SS18: variants seen among roughly 807,000 people sequenced by gnomAD.
SS18 encodes SS18 subunit of BAF chromatin remodeling complex, also known as protein SSXT.
A neutral mutation model predicts 72.5 loss-of-function variants in SS18; 28 were observed. That is an observed-to-expected ratio of 0.39 (90% CI 0.29 to 0.53). The LOEUF is 0.53. Among genes scored for constraint, SS18 ranks in the 20% least tolerant of loss-of-function variants. The pLI, the probability that SS18 is intolerant of heterozygous loss-of-function variation, is 0.76. For synonymous variants in SS18, 172 were observed against 164.2 expected (o/e 1.05, Z -0.37); for missense variants, 518 against 535.3 (o/e 0.97, Z 0.32).
intron 5 of SS18, among the ~76,000 whole-genome samples, chr18:26,049,171 A>G (rs2053879540): frequency 6.6e-6 from 1 of 152,224 alleles, no homozygotes; most frequent in African/African-American, 2.4e-5. Context: ...GGAAAGCTAT[A>G]ATTACTAATG....
chr18:26,030,709 T>G (rs1046591096), intron 10 of SS18, among the ~76,000 whole-genome samples: 1 of 151,926 alleles, frequency 6.6e-6, no homozygotes, highest in South Asian at 2.1e-4. Flanking sequence ...TTCTGTACAT[T>G]TGGATAAAAA....
At chr18:26,053,843 G>A (rs1598572168) in intron 4 of SS18, among the ~76,000 whole-genome samples, 2 of 152,272 alleles carry the variant, frequency 1.3e-5, no homozygotes, top group Non-Finnish European at 2.9e-5. Flanking sequence ...CATTGTTGAA[G>A]GAACAGAAAT....
intron 7 of SS18, among the ~76,000 whole-genome samples, chr18:26,036,788 C>A (rs2053633373): frequency 6.6e-6 from 1 of 152,108 alleles, no homozygotes; most frequent in South Asian, 2.1e-4. Flanking sequence ...CAAGCCACCT[C>A]ATAAATACCT....
At chr18:26,052,554 G>T in intron 5 of SS18, 70 bp downstream of exon 5, 1 of 1,277,364 alleles carries the variant, frequency 7.8e-7, no homozygotes, top group Non-Finnish European at 1.1e-6. Flanking sequence ...CTAAGAACCT[G>T]ACAACAATCA....
intron 5 of SS18, among the ~76,000 whole-genome samples, chr18:26,045,895 A>G (rs2143932533): frequency 6.6e-6 from 1 of 152,282 alleles, no homozygotes; most frequent in Non-Finnish European, 1.5e-5. Flanking sequence ...AGAAACATTG[A>G]GAATTGGCCA....
chr18:26,062,036 G>A (rs1290245109), intron 3 of SS18, among the ~76,000 whole-genome samples: 1 of 152,144 alleles, frequency 6.6e-6, no homozygotes, highest in Non-Finnish European at 1.5e-5. Context: ...CGAGGTGGGG[G>A]AATCCCTTGA....
At chr18:26,072,393 CG>C (rs1305205441) in intron 3 of SS18, among the ~76,000 whole-genome samples, 4 of 133,052 alleles carry the variant, frequency 3.0e-5, no homozygotes, top group African/African-American at 1.1e-4. Flanking sequence ...CTCATAATAT[CG>C]TTATCTCTAA....
chr18:26,046,096 A>G (rs549263529), intron 5 of SS18, among the ~76,000 whole-genome samples: 2 of 150,470 alleles, frequency 1.3e-5, no homozygotes, highest in East Asian at 2.0e-4. Flanking sequence ...CTGAGGCAGG[A>G]GAATCGAAAC....
At chr18:26,082,080 G>A (rs528373419) in intron 2 of SS18, among the ~76,000 whole-genome samples, 1 of 151,836 alleles carries the variant, frequency 6.6e-6, no homozygotes, top group Non-Finnish European at 1.5e-5. Context: ...CAAAAAAAAA[G>A]AGTATATGTT....
chr18:26,086,548 T>G (rs2054619146), intron 2 of SS18, among the ~76,000 whole-genome samples: 1 of 152,274 alleles, frequency 6.6e-6, no homozygotes, highest in East Asian at 1.9e-4. Flanking sequence ...TCATTTACTG[T>G]GTCTACTAGA....
chr18:26,032,124 G>T (rs747960537), intron 10 of SS18, among the ~76,000 whole-genome samples: 1 of 152,070 alleles, frequency 6.6e-6, no homozygotes, highest in African/African-American at 2.4e-5. Flanking sequence ...TGAGGGTAAA[G>T]ACCACAGAGC....
intron 3 of SS18, among the ~76,000 whole-genome samples, chr18:26,068,720 T>C (rs2054262002): frequency 6.6e-6 from 1 of 152,170 alleles, no homozygotes; most frequent in South Asian, 2.1e-4. Context: ...CTGCTCAGAA[T>C]GTCAAATATG....
chr18:26,064,180 TCTC>T (rs1327022678), intron 3 of SS18, among the ~76,000 whole-genome samples: 5 of 152,086 alleles, frequency 3.3e-5, no homozygotes, highest in Admixed American at 1.3e-4. Flanking sequence ...CCTGAAGTAA[TCTC>T]CTGACTCAGA....
At chr18:26,050,345 C>T (rs192041216) in intron 5 of SS18, among the ~76,000 whole-genome samples, 199 of 151,482 alleles carry the variant, frequency 1.3e-3, no homozygotes, top group South Asian at 4.2e-3. Context: ...TGAATTAAAA[C>T]AAATAAAAAT....
intron 10 of SS18, among the ~76,000 whole-genome samples, chr18:26,020,281 T>C (rs973923033): frequency 3.3e-5 from 5 of 152,176 alleles, no homozygotes; most frequent in Non-Finnish European, 7.4e-5. Flanking sequence ...TTCCCTTCTG[T>C]TAATGGCTAC....
intron 10 of SS18, among the ~76,000 whole-genome samples, chr18:26,027,911 C>T (rs1363225898): frequency 6.6e-6 from 1 of 151,836 alleles, no homozygotes; most frequent in East Asian, 1.9e-4. Context: ...AGATTTCTTA[C>T]ACATGATCCC....
At position 26,017,847 on chromosome 18, in the gene SS18, T is replaced by C. The variant is rs15101; in HGVS notation, c.*507A>G. 0.95 allele frequency: 216,467 copies of C among 228,762 alleles called. 102,471 individuals carry two copies. The highest frequency in any genetic ancestry group is 0.97 in the South Asian group (5,346 of 5,522). 14.2% of individuals were successfully genotyped at this position (228,762 alleles called of 1,614,324 possible). On this transcript the variant is annotated 3_prime_UTR_variant, in exon 11 of 11. Transcript: ENST00000415083. ...CCAAAACAATCAAGCATCTACCATG[T>C]TCCAGTCCACATTAACAGAGGATTT...
rs146300286 is a variant in SS18, at chr18:26,060,973, A to G, written c.232-3231T>C. On this transcript the variant is annotated intron_variant, in intron 3 of 10. Transcript: ENST00000415083. Reference sequence around the variant, plus strand: ...TTTGTCTCAAAAAAAAAAAAAACAGATTATGGAGTTACTAAAGACTTAAAA... The same window carrying G: ...TTTGTCTCAAAAAAAAAAAAAACAGGTTATGGAGTTACTAAAGACTTAAAA... Among the ~76,000 whole-genome samples the G allele has an allele frequency of 4.3e-3, 638 of 148,730 alleles. 4 individuals are homozygous for G. The highest frequency in any genetic ancestry group is 0.014 in the African/African-American group (575 of 40,388).
At chr18:26,072,972 A>G (rs946646199) in intron 3 of SS18, among the ~76,000 whole-genome samples, 1 of 152,142 alleles carries the variant, frequency 6.6e-6, no homozygotes, top group Admixed American at 6.6e-5. Flanking sequence ...GGATTCAAAC[A>G]AGATTAACAC....
Sources: allele counts gnomAD v4.1 joint callset (sites outside exome capture counted in the v4.1 genomes callset), GRCh38; gene constraint gnomAD v4.1.1; transcripts MANE v1.5; gene names NCBI Gene and HGNC (gene_info 2026-07-23, HGNC 2026-07-21).